SMOC2: variants seen among roughly 807,000 people sequenced by gnomAD.
SMOC2 encodes SPARC related modular calcium binding 2.
In SMOC2, 39 loss-of-function variants were observed where a neutral mutation model predicts 61.4. That is an observed-to-expected ratio of 0.64 (90% CI 0.49 to 0.83). The LOEUF is 0.83. Among genes scored for constraint, SMOC2 ranks in the 40% least tolerant of loss-of-function variants. The pLI is 0.00. For synonymous variants in SMOC2, 247 were observed against 239.9 expected, an observed-to-expected ratio of 1.03 and a Z score of -0.27; for missense variants, 556 against 592.9, an observed-to-expected ratio of 0.94 and a Z score of 0.65.
In SMOC2 at chr6:168,596,673, A is replaced by T. The variant is rs553190808; in HGVS notation, c.638-2145A>T. ...ACAACCTCCAGAAACATTTCGCACA[A>T]CCCCTGCTGTTTTCTGTTTCTTCCA... On this transcript the variant is annotated intron_variant, in intron 7 of 12. Coordinates refer to ENST00000356284, the MANE Select transcript of SMOC2 (RefSeq NM_001166412.2). Among the ~76,000 whole-genome samples, 235 of 152,370 alleles carry T rather than the reference A, an allele frequency of 1.5e-3. 3 individuals are homozygous for T. Among genetic ancestry groups the T allele is most frequent in the African/African-American group, 5.2e-3 (218 of 41,596 alleles).
chr6:168,536,389 G>C (rs114923802), intron 4 of SMOC2, among the ~76,000 whole-genome samples: 5 of 152,248 alleles, frequency 3.3e-5, no homozygotes, highest in African/African-American at 1.2e-4. Flanking sequence ...CTTGGGAGCA[G>C]TGCCTTCAGA....
intron 7 of SMOC2, among the ~76,000 whole-genome samples, chr6:168,576,835 T>G (rs1784815001): frequency 1.3e-5 from 2 of 152,018 alleles, no homozygotes; most frequent in African/African-American, 4.8e-5. Flanking sequence ...TCCCTAAATC[T>G]AGTTTACATG....
intron 9 of SMOC2, among the ~76,000 whole-genome samples, chr6:168,639,928 T>C (rs770154391): frequency 5.3e-5 from 8 of 152,222 alleles, no homozygotes; most frequent in Non-Finnish European, 1.0e-4. Context: ...AGCCCTCGGT[T>C]CATGTGCAGA....
chr6:168,571,884 C>T (rs1346536332), intron 7 of SMOC2, among the ~76,000 whole-genome samples: 4 of 110,166 alleles, frequency 3.6e-5, no homozygotes, highest in Non-Finnish European at 5.7e-5. Flanking sequence ...TCCCCGGGTG[C>T]GGGGACCAGG....
In SMOC2 at chr6:168,608,144, C is replaced by T. The variant is rs559980638; in HGVS notation, c.825-13C>T. On this transcript the variant is annotated splice_polypyrimidine_tract_variant and intron_variant, in intron 8 of 12. Coordinates refer to ENST00000356284, the MANE Select transcript of SMOC2 (RefSeq NM_001166412.2). Reference sequence around the variant, plus strand: ...TTTTCTCTCTCCTTCCCCCGCCTTCCCCCCGCCCATAGGTACGAGCAGCCG... The same window carrying T: ...TTTTCTCTCTCCTTCCCCCGCCTTCTCCCCGCCCATAGGTACGAGCAGCCG... 2.4e-5 allele frequency: 37 copies of T among 1,556,980 alleles called. No homozygotes were observed. The African/African-American group carries it at 3.7e-4, about 16-fold the overall frequency.
chr6:168,482,276 CAG>C (rs1363754454), intron 1 of SMOC2, among the ~76,000 whole-genome samples: 3 of 151,950 alleles, frequency 2.0e-5, no homozygotes, highest in Non-Finnish European at 4.4e-5. Context: ...AATGGATTAA[CAG>C]AGATTACTAA....
intron 7 of SMOC2, among the ~76,000 whole-genome samples, chr6:168,578,985 G>C (rs1784867612): frequency 6.6e-6 from 1 of 152,194 alleles, no homozygotes; most frequent in South Asian, 2.1e-4. Context: ...GGAGAAGAGG[G>C]CTAAAGGCCC....
chr6:168,536,308 G>A (rs1045226123), intron 4 of SMOC2, among the ~76,000 whole-genome samples: 61 of 152,158 alleles, frequency 4.0e-4, no homozygotes, highest in Admixed American at 3.8e-3. Flanking sequence ...CTGATCCCGG[G>A]TGAGGGACGT....
intron 7 of SMOC2, among the ~76,000 whole-genome samples, chr6:168,594,659 C>T (rs1785266563): frequency 3.8e-5 from 1 of 26,442 alleles, no homozygotes; most frequent in African/African-American, 9.4e-5. Flanking sequence ...CCGAGCTCCT[C>T]CTCCTTCCTG....
intron 4 of SMOC2, among the ~76,000 whole-genome samples, chr6:168,532,437 C>G (rs541853090): frequency 6.6e-6 from 1 of 151,480 alleles, no homozygotes; most frequent in Non-Finnish European, 1.5e-5. Context: ...ACCCTCCCCC[C>G]CTCCCCCACA....
intron 9 of SMOC2, among the ~76,000 whole-genome samples, chr6:168,613,341 C>G (rs1286469064): frequency 6.6e-6 from 1 of 152,156 alleles, no homozygotes; most frequent in Non-Finnish European, 1.5e-5. Flanking sequence ...GGTGGTTCAG[C>G]AGTGGCACCA....
At chr6:168,634,531 C>G (rs1583175813) in intron 9 of SMOC2, among the ~76,000 whole-genome samples, 1 of 152,204 alleles carries the variant, frequency 6.6e-6, no homozygotes, top group East Asian at 1.9e-4. Context: ...AAACAACCCT[C>G]ACTGAAGAGA....
chr6:168,605,439 A>G (rs549064066), intron 8 of SMOC2, among the ~76,000 whole-genome samples: 43 of 152,182 alleles, frequency 2.8e-4, no homozygotes, highest in Non-Finnish European at 5.4e-4. Flanking sequence ...ATTGAAAAGA[A>G]TGGTGATGGA....
At chr6:168,462,495 CT>C (rs1168840851) in intron 1 of SMOC2, among the ~76,000 whole-genome samples, 4 of 152,208 alleles carry the variant, frequency 2.6e-5, no homozygotes, top group Non-Finnish European at 4.4e-5. Context: ...CCGGCTGCTG[CT>C]CCAGGAGGGT....
chr6:168,486,739 G>T (rs528535134), intron 1 of SMOC2, among the ~76,000 whole-genome samples: 2 of 151,804 alleles, frequency 1.3e-5, no homozygotes, highest in African/African-American at 4.8e-5. Context: ...ATTCTATTGT[G>T]GTTCAACGGC....
chr6:168,581,507 A>G (rs1784917779), intron 7 of SMOC2, among the ~76,000 whole-genome samples: 1 of 152,186 alleles, frequency 6.6e-6, no homozygotes, highest in South Asian at 2.1e-4. Flanking sequence ...GACGTTTGAG[A>G]ATCGCTGCCC....
intron 3 of SMOC2, 82 bp from the exon 4 acceptor site, chr6:168,527,546 C>A: frequency 2.0e-6 from 2 of 1,011,888 alleles, no homozygotes; most frequent in Non-Finnish European, 1.5e-6. Context: ...GCCACTGCCG[C>A]AGAAAGCAGA....
chr6:168,488,905 T>G (rs1226187395), intron 1 of SMOC2, among the ~76,000 whole-genome samples: 12 of 136,878 alleles, frequency 8.8e-5, no homozygotes, highest in South Asian at 2.8e-4. Context: ...TCACACTGTT[T>G]TAGAATGAAA....
chr6:168,539,894 C>T lies in SMOC2; in HGVS notation c.464-3731C>T, dbSNP rs561136675. Among the ~76,000 whole-genome samples the T allele has an allele frequency of 3.5e-4, 53 of 152,310 alleles. 1 individual carries two copies. In the Middle Eastern group the frequency reaches 0.01, roughly 29 times the overall value. ...AGCAGGCCCTGGATCCTGGCTCTGC[C>T]GCTTCCTAAGTGGCCCTGGGCCAGT... On this transcript the variant is annotated intron_variant, in intron 4 of 12. Transcript: ENST00000356284.
Sources: gnomAD v4.1 joint callset for allele counts (sites outside exome capture counted in the v4.1 genomes callset) on GRCh38, gnomAD v4.1.1 for gene constraint, MANE v1.5 for transcripts, NCBI Gene and HGNC (gene_info 2026-07-23, HGNC 2026-07-21) for gene names.